MORN3: variants seen among roughly 807,000 people sequenced by gnomAD.
MORN3 encodes the protein MORN repeat-containing protein 3.
A neutral mutation model predicts 34.7 loss-of-function variants in MORN3; 38 were observed. The ratio of observed to expected loss-of-function variants is 1.10; its 90% CI spans 0.85 to 1.44. The LOEUF is 1.44. Among genes scored for constraint, MORN3 ranks in the 40% most tolerant of loss-of-function variants. The pLI is 0.00. For missense variants in MORN3, 311 were observed against 321.7 expected (o/e 0.97, Z 0.25); for synonymous variants, 109 against 115.3 (o/e 0.95, Z 0.35).
intron 2 of MORN3, among the ~76,000 whole-genome samples, chr12:121,655,031 T>C (rs976964076): frequency 6.6e-6 from 1 of 152,048 alleles, no homozygotes; most frequent in Non-Finnish European, 1.5e-5. Context: ...CCATGCGCCA[T>C]GCAGCCCCTA....
intron 1 of MORN3, among the ~76,000 whole-genome samples, chr12:121,665,994 A>C (rs1010898359): frequency 5.9e-5 from 9 of 152,018 alleles, no homozygotes; most frequent in Non-Finnish European, 2.9e-5. Flanking sequence ...GAGAGTCTGC[A>C]CAGGACACAG....
chr12:121,668,136 CTGGGATTACAGA>C (rs1475436477), intron 1 of MORN3, among the ~76,000 whole-genome samples: 1 of 150,998 alleles, frequency 6.6e-6, no homozygotes, highest in Non-Finnish European at 1.5e-5. Flanking sequence ...TCCCAAAGTG[CTGGGATTACAGA>C]TGTGAGCCAC....
intron 2 of MORN3, among the ~76,000 whole-genome samples, chr12:121,658,485 G>A (rs1555325929): frequency 1.4e-5 from 2 of 147,168 alleles, no homozygotes; most frequent in South Asian, 2.1e-4. Flanking sequence ...AGAATGGCGT[G>A]AACCCGGGAG....
In MORN3 at chr12:121,653,068, T is replaced by C. The variant is rs957110959; in HGVS notation, c.648+7A>G. On this transcript the variant is annotated splice_region_variant and intron_variant, in intron 4 of 5. Transcript: ENST00000355329. ...GTGGCCACAGGGCCCTGGTGAGGGC[T>C]GCCCACCTCAGGAATGGGGAACTGA... is the stretch of plus-strand genomic sequence containing the variant. The C allele has an allele frequency of 3.1e-6, 5 of 1,603,570 alleles. No homozygotes were observed. The African/African-American group carries it at 5.4e-5, about 17-fold the overall frequency.
At chr12:121,671,868 G>T (rs1272741665), upstream of MORN3, among the ~76,000 whole-genome samples, 1 of 137,776 alleles carries the variant, frequency 7.3e-6, no homozygotes, top group Admixed American at 7.3e-5. Flanking sequence ...CAAAAAGAGT[G>T]AAACTCCGTC....
In MORN3 at chr12:121,653,232, C is replaced by T; in HGVS notation, c.491G>A (p.Trp164Ter). Reference protein sequence around the residue: ...LKNGNRYEGCWERGMKNGAGR... With the variant: ...LKNGNRYEGC Reference sequence around the variant, plus strand: ...CGCCCCGTTCTTCATGCCTCTCTCCCAGCAGCCCTCGTAGCGGTTCCCGTT... The same window carrying T: ...CGCCCCGTTCTTCATGCCTCTCTCCTAGCAGCCCTCGTAGCGGTTCCCGTT... The change falls in exon 4 of 6, where the codon TGG (tryptophan) becomes TAG (stop). Residue 164 changes from tryptophan (W) to a stop codon, truncating the protein, a stop_gained. Transcript: ENST00000355329. LOFTEE classifies it high-confidence loss of function. 1.9e-6 allele frequency: 3 copies of T among 1,614,138 alleles called. No homozygotes were observed. Among genetic ancestry groups the T allele is most frequent in the Non-Finnish European group, 2.5e-6 (3 of 1,180,020 alleles).
At chr12:121,668,319 G>T (rs1024944257) in intron 1 of MORN3, among the ~76,000 whole-genome samples, 6 of 151,686 alleles carry the variant, frequency 4.0e-5, no homozygotes, top group African/African-American at 1.5e-4. Context: ...GAGGCGGGCG[G>T]ATCACTCGAG....
chr12:121,660,200 G>A (rs986678171), intron 1 of MORN3, among the ~76,000 whole-genome samples: 13 of 146,258 alleles, frequency 8.9e-5, no homozygotes, highest in Admixed American at 3.3e-4. Flanking sequence ...CGTCGTTGCA[G>A]TGAGCCGAGA....
intron 1 of MORN3, among the ~76,000 whole-genome samples, chr12:121,666,755 A>G (rs1893768061): frequency 6.6e-6 from 1 of 151,944 alleles, no homozygotes; most frequent in African/African-American, 2.4e-5. Context: ...GATGTCTGCA[A>G]GGGCCTCTGA....
chr12:121,668,569 C>T lies in MORN3; in HGVS notation c.145+770G>A, dbSNP rs369462082. On this transcript the variant is annotated intron_variant, in intron 1 of 5. Transcript: ENST00000355329. Reference sequence around the variant, plus strand: ...AAAATAAAAAGAGCACAGAATCTAGCCAGGCACAGTGACTCCCACTTGTAA... The same window carrying T: ...AAAATAAAAAGAGCACAGAATCTAGTCAGGCACAGTGACTCCCACTTGTAA... Among the ~76,000 whole-genome samples the T allele has an allele frequency of 1.4e-4, 21 of 152,140 alleles. No individual in the cohort carries two copies. The East Asian group carries it at 2.5e-3, about 18-fold the overall frequency.
At chr12:121,666,097 A>C (rs1458281133) in intron 1 of MORN3, among the ~76,000 whole-genome samples, 1 of 152,106 alleles carries the variant, frequency 6.6e-6, no homozygotes, top group East Asian at 1.9e-4. Context: ...TGGGAGGCCA[A>C]GGTGGGCAGA....
intron 1 of MORN3, among the ~76,000 whole-genome samples, chr12:121,661,743 G>C (rs913301872): frequency 5.9e-5 from 9 of 152,040 alleles, no homozygotes; most frequent in African/African-American, 2.2e-4. Flanking sequence ...GGGCGTGGTG[G>C]TGCTTGCCTG....
At chr12:121,669,303 C>G in intron 1 of MORN3, 36 bp downstream of exon 1, 1 of 1,609,088 alleles carries the variant, frequency 6.2e-7, no homozygotes, top group Non-Finnish European at 8.5e-7. Context: ...GTGGCTCTGA[C>G]CCCACTCCGG....
At chr12:121,662,829 T>A (rs1893625661) in intron 1 of MORN3, among the ~76,000 whole-genome samples, 1 of 150,800 alleles carries the variant, frequency 6.6e-6, no homozygotes, top group African/African-American at 2.4e-5. Context: ...TCACCTGAGG[T>A]CAGGAGTTCA....
intron 1 of MORN3, among the ~76,000 whole-genome samples, chr12:121,667,673 C>G (rs1211933601): frequency 2.6e-5 from 4 of 151,974 alleles, no homozygotes; most frequent in Non-Finnish European, 5.9e-5. Flanking sequence ...ACCTTCTATG[C>G]TAGTTCCTGC....
intron 4 of MORN3, 109 bp from the exon 5 acceptor site, chr12:121,652,917 A>C: frequency 6.9e-7 from 1 of 1,445,098 alleles, no homozygotes; most frequent in Non-Finnish European, 9.6e-7. Flanking sequence ...ATCAGGAGCC[A>C]CCTCCCTTGC....
chr12:121,668,961 G>A (rs767341492), intron 1 of MORN3, among the ~76,000 whole-genome samples: 1 of 152,162 alleles, frequency 6.6e-6, no homozygotes, highest in Non-Finnish European at 1.5e-5. Flanking sequence ...ACAGCTGAAT[G>A]CGAAGCCCAG....
At chr12:121,665,764 CAAAAAAA>C (rs59071462) in intron 1 of MORN3, among the ~76,000 whole-genome samples, 1 of 50,582 alleles carries the variant, frequency 2.0e-5, no homozygotes, top group Non-Finnish European at 3.9e-5. Flanking sequence ...GACTCTGTCT[CAAAAAAA>C]AAAAAAAAAA....
At position 121,654,444 on chromosome 12, in the gene MORN3, G is replaced by A. The variant is rs782545882; in HGVS notation, c.304-11C>T. The A allele has an allele frequency of 1.2e-5, 19 of 1,576,512 alleles. No homozygotes were observed. The highest frequency in any genetic ancestry group is 1.5e-5 in the Non-Finnish European group (17 of 1,160,214). On this transcript the variant is annotated splice_polypyrimidine_tract_variant and intron_variant, in intron 2 of 5. Transcript: ENST00000355329. ...CTGGATCCCATAACCCTGAAAGTAC[G>A]AAGATGCTACTACTCAGGGCGCCCC...
Sources: gnomAD v4.1 joint callset for allele counts (sites outside exome capture counted in the v4.1 genomes callset) on GRCh38, gnomAD v4.1.1 for gene constraint, MANE v1.5 for transcripts, NCBI Gene and HGNC (gene_info 2026-07-23, HGNC 2026-07-21) for gene names.